The following RAB6A variants were observed in gnomAD, a reference collection of about 807,000 sequenced individuals.
The protein encoded by RAB6A is ras-related protein Rab-6A.
RAB6A carries 8 observed loss-of-function variants against 32.3 expected under a neutral mutation model. The ratio of observed to expected loss-of-function variants is 0.25; its 90% CI spans 0.15 to 0.45. The LOEUF (loss-of-function observed/expected upper bound fraction) is 0.45, where lower values mean the gene tolerates loss of function less well. Among genes scored for constraint, RAB6A ranks in the 20% least tolerant of loss-of-function variants. The pLI, the probability that RAB6A is intolerant of heterozygous loss-of-function variation, is 1.00. For missense variants in RAB6A, 104 were observed against 249.4 expected, an observed-to-expected ratio of 0.42 and a Z score of 3.93; for synonymous variants, 73 against 82.1, an observed-to-expected ratio of 0.89 and a Z score of 0.60.
chr11:73,743,732 T>C (rs958011944), intron 1 of RAB6A, among the ~76,000 whole-genome samples: 1 of 152,222 alleles, frequency 6.6e-6, no homozygotes, highest in African/African-American at 2.4e-5. Flanking sequence ...CTATTCATTA[T>C]TCTCCAAGCA....
In RAB6A at chr11:73,760,138, G is replaced by A. The variant is rs972215940; in HGVS notation, c.70+428C>T. On this transcript the variant is annotated intron_variant, in intron 1 of 7. Coordinates refer to ENST00000336083, the MANE Select transcript of RAB6A (RefSeq NM_198896.2). ...CCTTGGCCAAGGTTGAAGAGGGCCC[G>A]CTCTCGGGAGTGGGGCTTCCCTGAG... is the stretch of plus-strand genomic sequence containing the variant. The A allele has an allele frequency of 3.9e-6, 5 of 1,288,090 alleles. No homozygotes were observed. In the African/African-American group the frequency reaches 6.1e-5, roughly 16 times the overall value. The allele number at this position is 1,288,090 out of a possible 1,614,324, so 79.8% of individuals were successfully genotyped here.
chr11:73,714,648 C>G (rs965828654), intron 5 of RAB6A, among the ~76,000 whole-genome samples: 2 of 150,066 alleles, frequency 1.3e-5, no homozygotes, highest in East Asian at 2.0e-4. Flanking sequence ...GGTGACAATG[C>G]GAGACTCCAA....
intron 1 of RAB6A, 46 bp downstream of exon 1, chr11:73,760,520 G>A (rs755147990): frequency 7.7e-6 from 12 of 1,560,318 alleles, no homozygotes; most frequent in Admixed American, 5.7e-5. Flanking sequence ...GGGCGGTGCG[G>A]GGACGCTGCG....
intron 6 of RAB6A, among the ~76,000 whole-genome samples, chr11:73,681,746 T>C (rs1040194268): frequency 6.6e-6 from 1 of 152,050 alleles, no homozygotes; most frequent in Non-Finnish European, 1.5e-5. Flanking sequence ...GAGCCGGAGG[T>C]TGCAGTGGAC....
chr11:73,731,684 T>TTTTA (rs1555064991), intron 1 of RAB6A, among the ~76,000 whole-genome samples: 46 of 14,516 alleles, frequency 3.2e-3, no homozygotes, highest in African/African-American at 8.3e-3. Flanking sequence ...TAGATAGATA[T>TTTTA]TATATATATA....
chr11:73,755,231 C>T (rs2135019435), intron 1 of RAB6A, among the ~76,000 whole-genome samples: 1 of 151,970 alleles, frequency 6.6e-6, no homozygotes, highest in Middle Eastern at 3.4e-3. Flanking sequence ...ACGCTCGGCC[C>T]TATTATTTTT....
intron 2 of RAB6A, chr11:73,722,325 ATATATATATATATATATATTTTTT>A (rs1272164425): frequency 1.6e-3 from 29 of 17,702 alleles, no homozygotes; most frequent in African/African-American, 4.6e-3. Flanking sequence ...ATATATATAT[ATATATATATATATATATATTTTTT>A]TTTTTTTTTT....
chr11:73,679,018 G>A (rs555832505), intron 7 of RAB6A, among the ~76,000 whole-genome samples: 6 of 152,168 alleles, frequency 3.9e-5, no homozygotes, highest in East Asian at 3.9e-4. Flanking sequence ...AAGCCACCGC[G>A]CCCGGCCTGT....
At chr11:73,687,561 A>C (rs988937198) in intron 6 of RAB6A, among the ~76,000 whole-genome samples, 3 of 152,198 alleles carry the variant, frequency 2.0e-5, no homozygotes, top group Non-Finnish European at 4.4e-5. Context: ...CATTGTTGAA[A>C]AGTACATGGG....
At chr11:73,695,410 C>G (rs774930039) in intron 6 of RAB6A, among the ~76,000 whole-genome samples, 1 of 150,266 alleles carries the variant, frequency 6.7e-6, no homozygotes. Context: ...GACGGAGTCT[C>G]GCTCTGTCAC....
rs2134946919 is a variant in RAB6A at position 73,718,717 on chromosome 11, A to T, written c.185T>A (p.Val62Glu). The part of the protein sequence containing the change: ...SKTMYLEDRT[V>E]RLQLWDTAGQ... ...TGCTGTGTCCCATAATTGCAATCGTACCTAACAACAAAATCAGTCAAACAA... is the reference window on the plus strand; with the variant it reads ...TGCTGTGTCCCATAATTGCAATCGTTCCTAACAACAAAATCAGTCAAACAA... The change falls in exon 4 of 8, where the codon GTA becomes GAA. Residue 62 changes from valine (V) to glutamate (E), a missense_variant and splice_region_variant. Transcript: ENST00000336083. 6.2e-7 allele frequency: 1 copy of T among 1,614,090 alleles called. No homozygotes were observed. Among genetic ancestry groups the T allele is most frequent in the East Asian group, 2.2e-5 (1 of 44,886 alleles).
At chr11:73,703,459 T>C (rs1945779499) in intron 6 of RAB6A, among the ~76,000 whole-genome samples, 1 of 152,244 alleles carries the variant, frequency 6.6e-6, no homozygotes, top group African/African-American at 2.4e-5. Context: ...AAAAAATTTC[T>C]GGCCAGATAC....
chr11:73,739,702 TAATATACTCTTG>T (rs1051138048), intron 1 of RAB6A, among the ~76,000 whole-genome samples: 1 of 152,048 alleles, frequency 6.6e-6, no homozygotes, highest in African/African-American at 2.4e-5. Flanking sequence ...AGTCCTCACA[TAATATACTCTTG>T]AAGGATACCT....
intron 6 of RAB6A, among the ~76,000 whole-genome samples, chr11:73,699,354 G>A (rs2134901611): frequency 6.6e-6 from 1 of 152,246 alleles, no homozygotes; most frequent in South Asian, 2.1e-4. Context: ...CAACTCCTGG[G>A]GTCAAGTGAC....
At chr11:73,713,397 C>T (rs1490260800) in intron 5 of RAB6A, among the ~76,000 whole-genome samples, 1 of 152,054 alleles carries the variant, frequency 6.6e-6, no homozygotes. Context: ...GGTGAAACCC[C>T]GTCTCTACTA....
chr11:73,704,618 G>C (rs1945803287), intron 6 of RAB6A, among the ~76,000 whole-genome samples: 1 of 149,850 alleles, frequency 6.7e-6, no homozygotes, highest in African/African-American at 2.5e-5. Context: ...CCAGGAGGCA[G>C]AGGTTGCAGT....
intron 5 of RAB6A, among the ~76,000 whole-genome samples, chr11:73,709,014 T>C (rs1341296754): frequency 6.6e-6 from 1 of 152,234 alleles, no homozygotes; most frequent in Non-Finnish European, 1.5e-5. Context: ...TCATTCTCTC[T>C]GTGTATATAA....
chr11:73,690,676 T>G (rs1945538180), intron 6 of RAB6A, among the ~76,000 whole-genome samples: 2 of 146,012 alleles, frequency 1.4e-5, no homozygotes, highest in Non-Finnish European at 3.0e-5. Context: ...CTTGCTGGCT[T>G]CGAAATACCA....
At chr11:73,759,957 G>C in intron 1 of RAB6A, 8 of 1,069,268 alleles carry the variant, frequency 7.5e-6, no homozygotes, top group Non-Finnish European at 1.0e-5. Flanking sequence ...TGCTCAAGTC[G>C]TCTCCAATTC....
Sources: allele counts gnomAD v4.1 joint callset (sites outside exome capture counted in the v4.1 genomes callset), GRCh38; gene constraint gnomAD v4.1.1; transcripts MANE v1.5; gene names NCBI Gene and HGNC (gene_info 2026-07-23, HGNC 2026-07-21).